The following RAB38 variants were observed in gnomAD, a reference collection of about 807,000 sequenced individuals.
RAB38 encodes the protein RAB38, member RAS oncogene family.
RAB38 carries 15 observed loss-of-function variants against 18.4 expected under a neutral mutation model. That is an observed-to-expected ratio of 0.82 (90% CI 0.55 to 1.26). The LOEUF (loss-of-function observed/expected upper bound fraction) is 1.26, where lower values mean the gene tolerates loss of function less well. Among genes scored for constraint, RAB38 ranks in the 50% most tolerant of loss-of-function variants. The pLI is 0.00. For synonymous variants in RAB38, 101 were observed against 104.4 expected (o/e 0.97, Z 0.20); for missense variants, 294 against 267.4 (o/e 1.10, Z -0.69).
intron 2 of RAB38, among the ~76,000 whole-genome samples, chr11:88,147,288 A>C (rs1232052138): frequency 3.3e-5 from 5 of 152,184 alleles, no homozygotes; most frequent in Non-Finnish European, 7.3e-5. Context: ...ATTTGATAAT[A>C]TTTATTGACT....
At chr11:87,951,699 C>T in the RAB38 span, among the ~76,000 whole-genome samples, 3 of 152,288 alleles carry the variant, frequency 2.0e-5, no homozygotes, top group Middle Eastern at 3.4e-3. Flanking sequence ...GCAGCGGAGG[C>T]TGCAGAACAG....
intron 2 of RAB38, among the ~76,000 whole-genome samples, chr11:88,116,467 A>G (rs1386100957): frequency 6.6e-6 from 1 of 152,162 alleles, no homozygotes; most frequent in Non-Finnish European, 1.5e-5. Context: ...ATATTACTAC[A>G]TATGTTTACA....
At chr11:88,019,882 T>C in the RAB38 span, among the ~76,000 whole-genome samples, 11 of 152,188 alleles carry the variant, frequency 7.2e-5, no homozygotes, top group Non-Finnish European at 1.0e-4. Context: ...ATCCATATGA[T>C]AGTACTTAAT....
chr11:88,019,049 T>G, the RAB38 span, among the ~76,000 whole-genome samples: 1 of 152,178 alleles, frequency 6.6e-6, no homozygotes, highest in Non-Finnish European at 1.5e-5. Context: ...TGAATTATTT[T>G]TATCTTCTAA....
the RAB38 span, among the ~76,000 whole-genome samples, chr11:88,094,523 C>T: frequency 6.6e-6 from 1 of 151,946 alleles, no homozygotes; most frequent in Non-Finnish European, 1.5e-5. Flanking sequence ...CACCACTTTA[C>T]TGTCCTTCAA....
chr11:88,030,133 G>A, the RAB38 span, among the ~76,000 whole-genome samples: 2 of 151,974 alleles, frequency 1.3e-5, no homozygotes, highest in Admixed American at 6.5e-5. Context: ...ATGACTACTG[G>A]GTACATAACG....
chr11:88,148,921 A>G (rs565556108), intron 2 of RAB38, among the ~76,000 whole-genome samples: 1 of 150,532 alleles, frequency 6.6e-6, no homozygotes, highest in Non-Finnish European at 1.5e-5. Context: ...CCATGAAAGT[A>G]TTTTTTTTTT....
chr11:88,145,211 G>A (rs12294982), intron 2 of RAB38, among the ~76,000 whole-genome samples: 16,509 of 151,752 alleles, frequency 0.11, 1,176 homozygotes, highest in African/African-American at 0.19. Flanking sequence ...GAGCAATGGC[G>A]CGATCTCAGG....
At chr11:88,111,860 C>A (rs1018537200), downstream of RAB38, among the ~76,000 whole-genome samples, 5 of 152,190 alleles carry the variant, frequency 3.3e-5, no homozygotes, top group African/African-American at 1.2e-4. Context: ...GGCAGATTCT[C>A]CGGCCTTTCA....
chr11:88,153,338 C>A (rs1245117394), intron 1 of RAB38, among the ~76,000 whole-genome samples: 2 of 152,224 alleles, frequency 1.3e-5, no homozygotes, highest in African/African-American at 4.8e-5. Context: ...TAAAAATACA[C>A]ACAAACATCA....
At chr11:88,028,493 A>C in the RAB38 span, among the ~76,000 whole-genome samples, 8 of 152,312 alleles carry the variant, frequency 5.3e-5, no homozygotes, top group East Asian at 1.2e-3. Context: ...AAAATTTAGA[A>C]GAATGTATAA....
chr11:87,885,193 G>A, the RAB38 span, among the ~76,000 whole-genome samples: 1 of 151,922 alleles, frequency 6.6e-6, no homozygotes, highest in Non-Finnish European at 1.5e-5. Context: ...TGTCAGGTGT[G>A]ATCCTTAGTT....
chr11:87,804,513 T>C, the RAB38 span, among the ~76,000 whole-genome samples: 13 of 152,210 alleles, frequency 8.5e-5, no homozygotes, highest in Non-Finnish European at 1.3e-4. Context: ...TATACAACCC[T>C]GTGAGGACTT....
chr11:88,022,981 C>G, the RAB38 span, among the ~76,000 whole-genome samples: 2 of 152,080 alleles, frequency 1.3e-5, no homozygotes, highest in South Asian at 4.1e-4. Flanking sequence ...AGGGGCACAA[C>G]ACACACTGGG....
the RAB38 span, among the ~76,000 whole-genome samples, chr11:87,890,484 G>A: frequency 6.6e-6 from 1 of 151,692 alleles, no homozygotes; most frequent in Non-Finnish European, 1.5e-5. Context: ...ATTCATATCC[G>A]ATCCTTGTTA....
intron 2 of RAB38, among the ~76,000 whole-genome samples, chr11:88,126,807 T>C (rs1036525095): frequency 3.3e-5 from 5 of 152,206 alleles, no homozygotes; most frequent in African/African-American, 1.2e-4. Context: ...TTTCTTTACG[T>C]ATAATCTGTG....
chr11:88,076,566 C>G, the RAB38 span, among the ~76,000 whole-genome samples: 5 of 152,138 alleles, frequency 3.3e-5, no homozygotes, highest in Non-Finnish European at 7.4e-5. Context: ...TAAATGAATT[C>G]TGTAACATTG....
At chr11:87,930,212 C>G in the RAB38 span, among the ~76,000 whole-genome samples, 2 of 152,186 alleles carry the variant, frequency 1.3e-5, no homozygotes, top group Admixed American at 1.3e-4. Flanking sequence ...TTCTCCACAT[C>G]CTCTCCAGCA....
At chr11:88,161,250 T>C (rs183684931) in intron 1 of RAB38, among the ~76,000 whole-genome samples, 4 of 152,220 alleles carry the variant, frequency 2.6e-5, no homozygotes, top group Non-Finnish European at 5.9e-5. Context: ...CTAAATTACT[T>C]TCCAGATTTT....
Sources: gnomAD v4.1 joint callset for allele counts (sites outside exome capture counted in the v4.1 genomes callset) on GRCh38, gnomAD v4.1.1 for gene constraint, MANE v1.5 for transcripts, NCBI Gene and HGNC (gene_info 2026-07-23, HGNC 2026-07-21) for gene names.